PRKCZ: variants seen among roughly 807,000 people sequenced by gnomAD.
PRKCZ encodes the protein protein kinase C zeta.
A neutral mutation model predicts 79.5 loss-of-function variants in PRKCZ; 33 were observed. That is an observed-to-expected ratio of 0.41 (90% CI 0.31 to 0.55). The LOEUF (loss-of-function observed/expected upper bound fraction) is 0.55, where lower values mean the gene tolerates loss of function less well. Ranked by LOEUF, PRKCZ falls within the 20% of genes least tolerant of loss-of-function variation. The pLI is 0.19. For missense variants in PRKCZ, 578 were observed against 813.5 expected, an observed-to-expected ratio of 0.71 and a Z score of 3.52; for synonymous variants, 342 against 320.9, an observed-to-expected ratio of 1.07 and a Z score of -0.70.
At chr1:2,057,057 A>G (rs1660236159) in intron 3 of PRKCZ, among the ~76,000 whole-genome samples, 1 of 152,150 alleles carries the variant, frequency 6.6e-6, no homozygotes, top group Non-Finnish European at 1.5e-5. Flanking sequence ...AACCCAAATG[A>G]AAACTGCTCT....
At chr1:2,051,003 C>T (rs1332413948) in intron 1 of PRKCZ, 3 of 314,896 alleles carry the variant, frequency 9.5e-6, no homozygotes, top group Admixed American at 5.0e-5. Flanking sequence ...GACGTTCCGG[C>T]CGCAAACCTG....
intron 4 of PRKCZ, chr1:2,074,343 GAAATC>G: frequency 6.5e-7 from 1 of 1,542,536 alleles, no homozygotes; most frequent in Non-Finnish European, 8.7e-7. Flanking sequence ...GGGGCTTGGG[GAAATC>G]GTCTTGGGCT....
At chr1:2,169,664 TGCGGTGTTGGGGGGCTGGGTGGGTGCGC>T in intron 11 of PRKCZ, 60 bp downstream of exon 11, 1 of 935,138 alleles carries the variant, frequency 1.1e-6, no homozygotes, top group Non-Finnish European at 1.4e-6. Flanking sequence ...GGTGGGTGCG[TGCGGTGTTGGGGGGCTGGGTGGGTGCGC>T]ACAGAGGGAT....
At chr1:2,137,705 C>G (rs1233194716) in intron 5 of PRKCZ, among the ~76,000 whole-genome samples, 1 of 152,236 alleles carries the variant, frequency 6.6e-6, no homozygotes, top group Non-Finnish European at 1.5e-5. Context: ...TCTCACTGTG[C>G]AGCTTTGAGG....
rs1674404500 is a variant in PRKCZ at position 2,128,706 on chromosome 1, G to T, written c.335-6556G>T. On this transcript the variant is annotated intron_variant, in intron 4 of 17. Transcript: ENST00000378567. This position sits in a 1 kb window ranked among gnomAD's most constrained non-coding sequence, Gnocchi z 6.5. The stretch of plus-strand genomic sequence containing the variant: ...CCAATGGGCACGTGACATCGAGCCA[G>T]CTCTGACTCCAAAGCCTGACCCGTG... Among the ~76,000 whole-genome samples, 1 of 152,182 alleles carries T rather than the reference G, an allele frequency of 6.6e-6. No individual in the cohort carries two copies. The highest frequency in any genetic ancestry group is 2.1e-4 in the South Asian group (1 of 4,834).
chr1:2,078,270 G>A (rs938433869), intron 4 of PRKCZ, among the ~76,000 whole-genome samples: 3 of 152,256 alleles, frequency 2.0e-5, no homozygotes, highest in Admixed American at 6.5e-5. Flanking sequence ...GAAAGATGGC[G>A]TGGGAGGCCA....
Position 2,173,815 on chromosome 1 carries a change from C to CA in PRKCZ, c.1286-81dup, listed in dbSNP as rs2100369380. On this transcript the variant is annotated intron_variant, in intron 13 of 17. Transcript: ENST00000378567. This position sits in a 1 kb window ranked among gnomAD's most constrained non-coding sequence, Gnocchi z 5.7. ...CTGGCTCACACTCGTGTCAACTGGG[C>CA]ATGAAAACCAACGCCAGCCAGGTTC... 3 of 1,502,762 alleles carry CA rather than the reference C, an allele frequency of 2.0e-6. No individual in the cohort carries two copies. In the East Asian group the frequency reaches 7.5e-5, roughly 38 times the overall value. 93.1% of individuals were successfully genotyped at this position (1,502,762 alleles called of 1,614,324 possible).
chr1:2,059,872 G>A (rs1249876582), intron 4 of PRKCZ, among the ~76,000 whole-genome samples: 2 of 152,168 alleles, frequency 1.3e-5, no homozygotes, highest in South Asian at 2.1e-4. Context: ...GGGGCCAGGT[G>A]GGAGGCTGGA....
intron 7 of PRKCZ, among the ~76,000 whole-genome samples, chr1:2,147,018 C>G (rs1289062982): frequency 1.3e-5 from 2 of 152,234 alleles, no homozygotes; most frequent in African/African-American, 4.8e-5. Context: ...AGCCAGCCAG[C>G]CAGCCATCCT....
intron 4 of PRKCZ, among the ~76,000 whole-genome samples, chr1:2,065,167 T>C (rs1661014172): frequency 6.6e-6 from 1 of 152,238 alleles, no homozygotes. Flanking sequence ...TGTATAAAAG[T>C]GCAGTTGATT....
At chr1:2,146,560 AG>A (rs1678573256) in intron 7 of PRKCZ, among the ~76,000 whole-genome samples, 1 of 152,060 alleles carries the variant, frequency 6.6e-6, no homozygotes, top group Non-Finnish European at 1.5e-5. Flanking sequence ...GATTTTTGTG[AG>A]GTTTTGTTTG....
intron 10 of PRKCZ, among the ~76,000 whole-genome samples, chr1:2,166,371 A>G (rs1683318694): frequency 6.6e-6 from 1 of 152,160 alleles, no homozygotes. Context: ...GTGAGCCATG[A>G]TCACACCACT....
intron 4 of PRKCZ, among the ~76,000 whole-genome samples, chr1:2,073,000 T>C (rs1445672596): frequency 1.3e-5 from 2 of 152,110 alleles, no homozygotes; most frequent in African/African-American, 4.8e-5. Flanking sequence ...CACTTGCCAG[T>C]GATGACCAGG....
intron 4 of PRKCZ, among the ~76,000 whole-genome samples, chr1:2,131,365 G>A (rs1386852760): frequency 3.3e-5 from 5 of 152,192 alleles, no homozygotes; most frequent in Non-Finnish European, 7.3e-5. Flanking sequence ...AGCACTTTGG[G>A]AGGCCGAAGT....
At chr1:2,176,352 C>G (rs552164376) in intron 16 of PRKCZ, among the ~76,000 whole-genome samples, 145 of 152,000 alleles carry the variant, frequency 9.5e-4, no homozygotes, top group Non-Finnish European at 1.5e-3. Flanking sequence ...GTCGTGGGTT[C>G]TGTGTGGAAG....
chr1:2,181,341 C>T (rs956509002), intron 16 of PRKCZ, among the ~76,000 whole-genome samples: 1 of 152,202 alleles, frequency 6.6e-6, no homozygotes, highest in Admixed American at 6.5e-5. Flanking sequence ...AGCCCTTGGG[C>T]CCCCAGCCCC....
In PRKCZ at chr1:2,165,731, G is replaced by A. The variant is rs961609910; in HGVS notation, c.975-3787G>A. Reference sequence around the variant, plus strand: ...GTGGTGGCCCGCCCGGACCCATCTGGTTAATTCTTGACTCTCAGGGCAGCG... The same window carrying A: ...GTGGTGGCCCGCCCGGACCCATCTGATTAATTCTTGACTCTCAGGGCAGCG... On this transcript the variant is annotated intron_variant, in intron 10 of 17. Transcript: ENST00000378567. The surrounding 1 kb of genome is among the most constrained non-coding windows in gnomAD (Gnocchi z 4.1). 2.6e-5 allele frequency among the ~76,000 whole-genome samples: 4 copies of A among 152,196 alleles called. No individual in the cohort carries two copies. Among genetic ancestry groups the A allele is most frequent in the African/African-American group, 9.6e-5 (4 of 41,460 alleles).
intron 4 of PRKCZ, among the ~76,000 whole-genome samples, chr1:2,088,783 A>T (rs941679619): frequency 1.3e-5 from 2 of 152,206 alleles, no homozygotes; most frequent in African/African-American, 4.8e-5. Context: ...GCTCAGCGCA[A>T]CATAGCAAGA....
intron 4 of PRKCZ, among the ~76,000 whole-genome samples, chr1:2,077,737 C>T (rs1482761360): frequency 6.6e-6 from 1 of 152,208 alleles, no homozygotes; most frequent in African/African-American, 2.4e-5. Flanking sequence ...ACATTTATTT[C>T]CAGATTTCTA....
Sources: gnomAD v4.1 joint callset for allele counts (sites outside exome capture counted in the v4.1 genomes callset) on GRCh38, gnomAD v4.1.1 for gene constraint, Gnocchi (gnomAD v3.1) non-coding constraint, MANE v1.5 for transcripts, NCBI Gene and HGNC (gene_info 2026-07-23, HGNC 2026-07-21) for gene names.